The following LRMDA variants were observed in gnomAD, a reference collection of about 807,000 sequenced individuals.
LRMDA encodes leucine-rich melanocyte differentiation-associated protein.
LRMDA carries 18 observed loss-of-function variants against 29.8 expected under a neutral mutation model. That is an observed-to-expected ratio of 0.60 (90% CI 0.42 to 0.90). The LOEUF (loss-of-function observed/expected upper bound fraction) is 0.90, where lower values mean the gene tolerates loss of function less well. LRMDA is among the 40% of genes least tolerant of loss of function. LRMDA has a pLI of 0.00. For missense variants in LRMDA, 273 were observed against 273.9 expected, an observed-to-expected ratio of 1.00 and a Z score of 0.02; for synonymous variants, 125 against 109.4, an observed-to-expected ratio of 1.14 and a Z score of -0.89.
chr10:75,800,174 A>G (rs1409340077), intron 2 of LRMDA, among the ~76,000 whole-genome samples: 1 of 152,120 alleles, frequency 6.6e-6, no homozygotes, highest in African/African-American at 2.4e-5. Flanking sequence ...ATTTAAGTGC[A>G]CACATATTTA....
At chr10:76,150,882 GA>G (rs1331743908) in intron 5 of LRMDA, among the ~76,000 whole-genome samples, 1 of 152,222 alleles carries the variant, frequency 6.6e-6, no homozygotes, top group Non-Finnish European at 1.5e-5. Context: ...CATCCACTGA[GA>G]CGCAGTTTTG....
intron 5 of LRMDA, among the ~76,000 whole-genome samples, chr10:76,128,177 G>A (rs879005772): frequency 6.6e-6 from 1 of 152,186 alleles, no homozygotes; most frequent in Admixed American, 6.5e-5. Flanking sequence ...AACAGGAAAA[G>A]CAGGCATTTC....
intron 2 of LRMDA, among the ~76,000 whole-genome samples, chr10:75,756,996 A>G (rs921287737): frequency 6.6e-6 from 1 of 152,194 alleles, no homozygotes; most frequent in Admixed American, 6.5e-5. Flanking sequence ...GACTTGAACT[A>G]TATTAATGGG....
intron 2 of LRMDA, among the ~76,000 whole-genome samples, chr10:75,797,046 T>G (rs942035908): frequency 1.4e-4 from 21 of 152,076 alleles, no homozygotes; most frequent in South Asian, 4.1e-4. Flanking sequence ...TAATTTTGGG[T>G]TTTTTTTCTT....
At chr10:75,437,034 C>A in intron 1 of LRMDA, among the ~76,000 whole-genome samples, 1 of 152,128 alleles carries the variant, frequency 6.6e-6, no homozygotes, top group East Asian at 1.9e-4. Flanking sequence ...TTTTTCTATC[C>A]TTTCTCCTTA....
intron 2 of LRMDA, among the ~76,000 whole-genome samples, chr10:75,859,286 C>A (rs2181441): frequency 0.46 from 70,299 of 151,940 alleles, 16,617 homozygotes; most frequent in South Asian, 0.58. Flanking sequence ...TGGATGCTGT[C>A]AGTTTGGCCC....
At chr10:75,475,866 GT>G (rs1844785994) in intron 2 of LRMDA, among the ~76,000 whole-genome samples, 1 of 152,152 alleles carries the variant, frequency 6.6e-6, no homozygotes, top group Admixed American at 6.5e-5. Context: ...CCAATAGGCA[GT>G]GATTTTTAAT....
At chr10:76,317,805 C>A (rs1840719320) in intron 5 of LRMDA, among the ~76,000 whole-genome samples, 1 of 152,170 alleles carries the variant, frequency 6.6e-6, no homozygotes, top group Non-Finnish European at 1.5e-5. Context: ...GACTCCTGAC[C>A]TCAGGTGATC....
At chr10:76,287,343 C>T (rs1292919150) in intron 5 of LRMDA, among the ~76,000 whole-genome samples, 4 of 152,084 alleles carry the variant, frequency 2.6e-5, no homozygotes. Flanking sequence ...ATAGGAATTC[C>T]TGCCCAGCCA....
intron 2 of LRMDA, among the ~76,000 whole-genome samples, chr10:75,608,717 T>C (rs1160412013): frequency 6.6e-6 from 1 of 152,180 alleles, no homozygotes; most frequent in Non-Finnish European, 1.5e-5. Context: ...TGGGAAGCAG[T>C]GGTATATTGT....
rs193160654 is a variant in LRMDA at position 76,503,443 on chromosome 10, A to G, written c.602-53766A>G. 3.5e-3 allele frequency among the ~76,000 whole-genome samples: 513 copies of G among 147,302 alleles called. 4 individuals are homozygous for G. The highest frequency in any genetic ancestry group is 4.1e-3 in the Non-Finnish European group (274 of 66,754). On this transcript the variant is annotated intron_variant, in intron 6 of 6. Coordinates refer to ENST00000611255, the MANE Select transcript of LRMDA (RefSeq NM_001305581.2). ...TCTGGTAAAATTTGGCTGAGAATCTATCTGGTCTGGGGCTTTCTTTGATTG... is the reference window on the plus strand; with the variant it reads ...TCTGGTAAAATTTGGCTGAGAATCTGTCTGGTCTGGGGCTTTCTTTGATTG...
chr10:75,673,679 C>G (rs572833218), intron 2 of LRMDA, among the ~76,000 whole-genome samples: 4 of 152,304 alleles, frequency 2.6e-5, no homozygotes, highest in African/African-American at 9.6e-5. Context: ...AAAAGGGTAA[C>G]AAATTGGGTG....
intron 2 of LRMDA, among the ~76,000 whole-genome samples, chr10:75,719,079 C>G (rs967762893): frequency 9.2e-5 from 14 of 152,202 alleles, no homozygotes; most frequent in Middle Eastern, 3.4e-3. Flanking sequence ...ATTAATTTCC[C>G]CAAAGATATA....
chr10:75,511,115 C>G (rs1845221000), intron 2 of LRMDA, among the ~76,000 whole-genome samples: 1 of 152,212 alleles, frequency 6.6e-6, no homozygotes, highest in East Asian at 1.9e-4. Context: ...ATCGCTTGAG[C>G]CCAGGAGTTC....
At chr10:76,014,178 ACATTG>A in intron 2 of LRMDA, among the ~76,000 whole-genome samples, 1 of 115,076 alleles carries the variant, frequency 8.7e-6, no homozygotes, top group Non-Finnish European at 2.0e-5. Flanking sequence ...ATATATGGTA[ACATTG>A]TTATGCCTAT....
intron 6 of LRMDA, among the ~76,000 whole-genome samples, chr10:76,350,181 T>A (rs570290022): frequency 1.2e-3 from 174 of 147,452 alleles, no homozygotes; most frequent in Non-Finnish European, 2.0e-3. Context: ...AAAAAAAAAA[T>A]AAATAAATTC....
chr10:76,438,012 T>C (rs1407018817), intron 6 of LRMDA, among the ~76,000 whole-genome samples: 1 of 152,212 alleles, frequency 6.6e-6, no homozygotes, highest in Admixed American at 6.5e-5. Context: ...CTCTCTGTTA[T>C]TGATGGGGCT....
chr10:75,712,402 C>T (rs552881393), intron 2 of LRMDA, among the ~76,000 whole-genome samples: 7 of 117,708 alleles, frequency 5.9e-5, no homozygotes, highest in African/African-American at 2.0e-4. Flanking sequence ...CAGCAGATCG[C>T]GGATCCGGAA....
At chr10:75,736,680 A>G (rs144664370) in intron 2 of LRMDA, among the ~76,000 whole-genome samples, 1 of 152,394 alleles carries the variant, frequency 6.6e-6, no homozygotes, top group Non-Finnish European at 1.5e-5. Flanking sequence ...TGCCAGCAGC[A>G]GCATCGGCTT....
Sources: gnomAD v4.1 joint callset for allele counts (sites outside exome capture counted in the v4.1 genomes callset) on GRCh38, gnomAD v4.1.1 for gene constraint, MANE v1.5 for transcripts, NCBI Gene and HGNC (gene_info 2026-07-23, HGNC 2026-07-21) for gene names.